NTN1: variants seen among roughly 807,000 people sequenced by gnomAD.
The protein encoded by NTN1 is netrin 1.
NTN1 carries 11 observed loss-of-function variants against 54.2 expected under a neutral mutation model. That is an observed-to-expected ratio of 0.20 (90% CI 0.13 to 0.34). The LOEUF is 0.34. NTN1 is among the 10% of genes least tolerant of loss of function. The pLI is 1.00. For synonymous variants in NTN1, 371 were observed against 382.0 expected, an observed-to-expected ratio of 0.97 and a Z score of 0.33; for missense variants, 740 against 893.1, an observed-to-expected ratio of 0.83 and a Z score of 2.18.
Position 9,157,371 on chromosome 17 carries a change from G to C in NTN1, c.1019-5442G>C, listed in dbSNP as rs529595922. Among the ~76,000 whole-genome samples, 5 of 152,354 alleles carry C rather than the reference G, an allele frequency of 3.3e-5. No homozygotes were observed. In the East Asian group the frequency reaches 7.7e-4, roughly 24 times the overall value. On this transcript the variant is annotated intron_variant, in intron 2 of 6. Transcript: ENST00000173229. ...CTGTGAGTATGCACTGAACTGACCT[G>C]ACCTGGGGAGTGGGAAGGGGTTGAG...
At chr17:9,080,741 T>C (rs2092067921) in intron 2 of NTN1, among the ~76,000 whole-genome samples, 1 of 152,174 alleles carries the variant, frequency 6.6e-6, no homozygotes, top group African/African-American at 2.4e-5. Context: ...GTTGGGCTGA[T>C]CACCCGTGGC....
chr17:9,099,870 A>G (rs777865087), intron 2 of NTN1, among the ~76,000 whole-genome samples: 4 of 152,262 alleles, frequency 2.6e-5, no homozygotes, highest in African/African-American at 4.8e-5. Context: ...TTAAAATAAT[A>G]TACATTATTT....
At chr17:9,189,439 C>A (rs529729727) in intron 5 of NTN1, among the ~76,000 whole-genome samples, 1 of 152,346 alleles carries the variant, frequency 6.6e-6, no homozygotes, top group African/African-American at 2.4e-5. Flanking sequence ...GCAACCTCCA[C>A]CTTCCTGTTT....
intron 2 of NTN1, among the ~76,000 whole-genome samples, chr17:9,113,709 T>C (rs1217818443): frequency 6.6e-6 from 1 of 151,862 alleles, no homozygotes; most frequent in Non-Finnish European, 1.5e-5. Context: ...GGAGAGAGTA[T>C]AGGAAAAAGC....
intron 2 of NTN1, among the ~76,000 whole-genome samples, chr17:9,048,351 C>G (rs1249642024): frequency 6.6e-6 from 1 of 151,062 alleles, no homozygotes; most frequent in Non-Finnish European, 1.5e-5. Context: ...TAGGTCTCAA[C>G]AGTGGGCTTA....
intron 6 of NTN1, among the ~76,000 whole-genome samples, chr17:9,228,847 T>TGTGTGTGTGTGTGA (rs1555579162): frequency 1.7e-5 from 2 of 114,916 alleles, no homozygotes; most frequent in African/African-American, 7.5e-5. Flanking sequence ...TGTGTGTGTG[T>TGTGTGTGTGTGTGA]GTGTGACTGT....
chr17:9,096,458 C>T (rs2092132400), intron 2 of NTN1, among the ~76,000 whole-genome samples: 1 of 137,558 alleles, frequency 7.3e-6, no homozygotes, highest in Non-Finnish European at 1.5e-5. Context: ...GCAAACTCTG[C>T]CTCCCGGGTT....
At chr17:9,018,876 T>G (rs936925201), upstream of NTN1, among the ~76,000 whole-genome samples, 2 of 152,242 alleles carry the variant, frequency 1.3e-5, no homozygotes, top group African/African-American at 2.4e-5. Context: ...TGTGACTGTT[T>G]TGGGGATGTT....
At chr17:9,179,456 G>C (rs915610580) in intron 3 of NTN1, among the ~76,000 whole-genome samples, 1 of 152,312 alleles carries the variant, frequency 6.6e-6, no homozygotes, top group African/African-American at 2.4e-5. Context: ...TGTATCCCCC[G>C]ATCCTGACTC....
At chr17:9,093,251 C>T (rs1478319832) in intron 2 of NTN1, among the ~76,000 whole-genome samples, 1 of 152,230 alleles carries the variant, frequency 6.6e-6, no homozygotes, top group East Asian at 1.9e-4. Flanking sequence ...TTGCTTCCAG[C>T]TATTTGCTAT....
At chr17:9,151,012 C>A (rs1244705704) in intron 2 of NTN1, among the ~76,000 whole-genome samples, 2 of 152,134 alleles carry the variant, frequency 1.3e-5, no homozygotes, top group Non-Finnish European at 2.9e-5. Context: ...GGTCTGTTTG[C>A]CGCCAGCCTC....
chr17:9,180,570 C>T (rs528057739), intron 4 of NTN1, among the ~76,000 whole-genome samples: 19 of 152,280 alleles, frequency 1.2e-4, no homozygotes, highest in African/African-American at 4.3e-4. Flanking sequence ...CCACCTGGAC[C>T]CTGGATCTGG....
At chr17:9,218,189 G>A (rs1009281624) in intron 5 of NTN1, among the ~76,000 whole-genome samples, 1 of 152,224 alleles carries the variant, frequency 6.6e-6, no homozygotes, top group African/African-American at 2.4e-5. Flanking sequence ...CAGGCATCGT[G>A]ATGCCACTGC....
chr17:9,022,147 C>T (rs1003921670), intron 1 of NTN1, among the ~76,000 whole-genome samples, 164 bp from the exon 2 acceptor site: 5 of 152,256 alleles, frequency 3.3e-5, no homozygotes, highest in Non-Finnish European at 5.9e-5. Flanking sequence ...CTTGGAGGGC[C>T]CCGGCTTCGC....
At chr17:9,123,512 TTTTAC>T (rs1216294981) in intron 2 of NTN1, among the ~76,000 whole-genome samples, 1 of 152,250 alleles carries the variant, frequency 6.6e-6, no homozygotes, top group Admixed American at 6.5e-5. Flanking sequence ...ATTTTACAGT[TTTTAC>T]TTTCAGTATC....
At chr17:9,012,204 C>G in the NTN1 span, among the ~76,000 whole-genome samples, 1 of 151,984 alleles carries the variant, frequency 6.6e-6, no homozygotes, top group Non-Finnish European at 1.5e-5. Flanking sequence ...CTACCACTCC[C>G]CATCTCATTA....
intron 5 of NTN1, among the ~76,000 whole-genome samples, chr17:9,218,915 G>GGAA (rs1391961956): frequency 0.018 from 2,532 of 141,162 alleles, 78 homozygotes; most frequent in African/African-American, 0.064. Context: ...TGGCTTTTGT[G>GGAA]AAAAAAAAAA....
intron 2 of NTN1, among the ~76,000 whole-genome samples, chr17:9,106,992 T>C (rs11078784): frequency 0.81 from 123,602 of 151,792 alleles, 50,660 homozygotes; most frequent in East Asian, 0.96. Context: ...CTGAGGAAGC[T>C]GAGCAGCAGA....
In NTN1 at chr17:9,133,941, G is replaced by A. The variant is rs1308297710; in HGVS notation, c.1019-28872G>A. The stretch of plus-strand genomic sequence containing the variant: ...TTTTTTTGAGACAGAGTCTCACTCT[G>A]TCTCCCGGGCTGAAGTGCAGTGATG... On this transcript the variant is annotated intron_variant, in intron 2 of 6. Transcript: ENST00000173229. Among the ~76,000 whole-genome samples, 4 of 106,184 alleles carry A rather than the reference G, an allele frequency of 3.8e-5. No individual in the cohort carries two copies. In the East Asian group the frequency reaches 1.1e-3, roughly 30 times the overall value. 69.7% of individuals were successfully genotyped at this position (106,184 alleles called of 152,430 possible).
Sources: gnomAD v4.1 joint callset for allele counts (sites outside exome capture counted in the v4.1 genomes callset) on GRCh38, gnomAD v4.1.1 for gene constraint, MANE v1.5 for transcripts, NCBI Gene and HGNC (gene_info 2026-07-23, HGNC 2026-07-21) for gene names.